The following RGS22 variants were observed in gnomAD, a reference collection of about 807,000 sequenced individuals.
RGS22 encodes regulator of G-protein signaling 22.
A neutral mutation model predicts 172.9 loss-of-function variants in RGS22; 148 were observed. The ratio of observed to expected loss-of-function variants is 0.86; its 90% CI spans 0.75 to 0.98. The LOEUF (loss-of-function observed/expected upper bound fraction) is 0.98. Ranked by LOEUF, RGS22 falls within the 50% of genes least tolerant of loss-of-function variation. The probability of loss-of-function intolerance (pLI) is 0.00; values close to 1 mark genes in which losing one functional copy is unlikely to be tolerated. For missense variants in RGS22, 1,347 were observed against 1,440.8 expected (o/e 0.93, Z 1.05); for synonymous variants, 458 against 480.2 (o/e 0.95, Z 0.60).
intron 23 of RGS22, among the ~76,000 whole-genome samples, chr8:99,973,537 G>C (rs112842961): frequency 0.088 from 13,416 of 152,018 alleles, 744 homozygotes; most frequent in African/African-American, 0.15. Flanking sequence ...AGGGGAGGGA[G>C]AGCATTAGGA....
intron 20 of RGS22, among the ~76,000 whole-genome samples, chr8:99,996,255 T>G (rs1814368500): frequency 6.6e-6 from 1 of 152,122 alleles, no homozygotes; most frequent in East Asian, 1.9e-4. Context: ...GAACTTAAAG[T>G]ATGTATATAA....
At position 99,996,495 on chromosome 8, in the gene RGS22, T is replaced by C; in HGVS notation, c.2985A>G (p.Leu995=). The C allele has an allele frequency of 6.2e-7, 1 of 1,613,622 alleles. No individual in the cohort carries two copies. The highest frequency in any genetic ancestry group is 8.5e-7 in the Non-Finnish European group (1 of 1,179,676). The part of the protein sequence containing the change: ...QMKDIAEELL[L]QKAEKKIGVW... ...CCCCGATTTTCTTTTCAGCCTTCTG[T>C]AGTAAGAGCTCTTCTGCTATGTCTT... The change falls in exon 20 of 28, where the codon CTA becomes CTG. Residue 995 remains leucine, a synonymous_variant. Transcript: ENST00000360863.
intron 12 of RGS22, among the ~76,000 whole-genome samples, chr8:100,040,307 T>C (rs1387020389): frequency 2.0e-5 from 3 of 152,244 alleles, no homozygotes; most frequent in Non-Finnish European, 2.9e-5. Context: ...TATTCTATTA[T>C]AAACCAATCT....
intron 4 of RGS22, among the ~76,000 whole-genome samples, chr8:100,074,475 A>G (rs1438705082): frequency 6.6e-6 from 1 of 152,232 alleles, no homozygotes; most frequent in Non-Finnish European, 1.5e-5. Context: ...TCTGTTCCGT[A>G]GTTTTGCCTT....
rs1212104333 is a variant in RGS22 at position 100,051,829 on chromosome 8, ATAAATG to A, written c.1689+967_1689+972del. ...TATAAATGTTTATATATATTTATAT[ATAAATG>A]TTTATATATTTATATATTTATATAT... On this transcript the variant is annotated intron_variant, in intron 10 of 27. Transcript: ENST00000360863. 4.5e-4 allele frequency among the ~76,000 whole-genome samples: 27 copies of A among 60,288 alleles called. 9 individuals are homozygous for A. The highest frequency in any genetic ancestry group is 6.6e-4 in the Admixed American group (2 of 3,018). The allele number at this position is 60,288 out of a possible 152,430, so 39.6% of individuals were successfully genotyped here.
In RGS22 at chr8:100,042,346, G is replaced by A. The variant is rs552515653; in HGVS notation, c.1824-430C>T. On this transcript the variant is annotated intron_variant, in intron 11 of 27. Coordinates refer to ENST00000360863, the MANE Select transcript of RGS22 (RefSeq NM_015668.5). Reference sequence around the variant, plus strand: ...AAATAGTGAGCAATAAATGAAGGTAGGTATGGAAATCCTTGTTTAAAAGGC... The same window carrying A: ...AAATAGTGAGCAATAAATGAAGGTAAGTATGGAAATCCTTGTTTAAAAGGC... Among the ~76,000 whole-genome samples the A allele has an allele frequency of 1.4e-4, 21 of 152,268 alleles. No individual in the cohort carries two copies. In the East Asian group the frequency reaches 3.5e-3, roughly 25 times the overall value.
chr8:100,041,961 A>G, intron 11 of RGS22, 45 bp from the exon 12 acceptor site: 1 of 1,254,356 alleles, frequency 8.0e-7, no homozygotes, highest in Non-Finnish European at 1.2e-6. Context: ...ATGAGAACTA[A>G]CTGATCAACA....
chr8:100,013,661 C>T (rs1404268505), intron 14 of RGS22, among the ~76,000 whole-genome samples: 1 of 151,930 alleles, frequency 6.6e-6, no homozygotes, highest in Non-Finnish European at 1.5e-5. Flanking sequence ...TTTATTTTAC[C>T]ACTTACCATA....
At chr8:100,041,216 C>T (rs1211817796) in intron 12 of RGS22, among the ~76,000 whole-genome samples, 1 of 152,026 alleles carries the variant, frequency 6.6e-6, no homozygotes, top group African/African-American at 2.4e-5. Flanking sequence ...TGGCTGGGTG[C>T]GGTGGCTCAT....
At chr8:100,052,187 A>T (rs369898523) in intron 10 of RGS22, among the ~76,000 whole-genome samples, 5 of 47,198 alleles carry the variant, frequency 1.1e-4, no homozygotes, top group Non-Finnish European at 1.8e-4. Flanking sequence ...AAATATATAA[A>T]CATATATAAA....
intron 2 of RGS22, among the ~76,000 whole-genome samples, chr8:100,101,290 CTT>C (rs112881114): frequency 1.4e-4 from 20 of 140,900 alleles, no homozygotes; most frequent in East Asian, 2.1e-4. Context: ...TCCTAAATTT[CTT>C]TTTTTTTTTT....
chr8:99,962,582 C>T (rs552822081), intron 26 of RGS22, 105 bp downstream of exon 26: 28 of 1,363,560 alleles, frequency 2.1e-5, no homozygotes, highest in African/African-American at 1.1e-4. Context: ...GTGGAGGGGT[C>T]GGTCCTCACC....
At chr8:99,979,291 A>G (rs1588893668) in intron 22 of RGS22, among the ~76,000 whole-genome samples, 1 of 152,150 alleles carries the variant, frequency 6.6e-6, no homozygotes. Context: ...GAATATATAT[A>G]TTTCCATTTA....
At chr8:100,034,145 T>A (rs1043551805) in intron 14 of RGS22, among the ~76,000 whole-genome samples, 1 of 152,028 alleles carries the variant, frequency 6.6e-6, no homozygotes, top group African/African-American at 2.4e-5. Context: ...AAATAAAGGG[T>A]ATTCAAGTAG....
chr8:100,023,990 A>G (rs1302075805), intron 14 of RGS22: 1 of 152,830 alleles, frequency 6.5e-6, no homozygotes, highest in African/African-American at 2.4e-5. Flanking sequence ...TTTCCAAGAA[A>G]GAGTCTTGCT....
chr8:100,081,873 T>C (rs1366945867), intron 3 of RGS22, among the ~76,000 whole-genome samples: 2 of 151,228 alleles, frequency 1.3e-5, no homozygotes, highest in African/African-American at 2.4e-5. Context: ...TGAGTATCCA[T>C]GGAACAAGAG....
intron 24 of RGS22, among the ~76,000 whole-genome samples, chr8:99,964,420 G>T (rs1014112384): frequency 4.1e-5 from 6 of 145,128 alleles, no homozygotes; most frequent in African/African-American, 1.6e-4. Flanking sequence ...CCTTTAACCT[G>T]CAAAGAGTTA....
At chr8:100,018,605 A>AG (rs1418225517) in intron 14 of RGS22, among the ~76,000 whole-genome samples, 1 of 152,190 alleles carries the variant, frequency 6.6e-6, no homozygotes, top group Non-Finnish European at 1.5e-5. Context: ...TGCATCTTCA[A>AG]GGAAATCTCA....
chr8:99,977,831 T>C, intron 23 of RGS22, 86 bp downstream of exon 23: 2 of 1,159,742 alleles, frequency 1.7e-6, no homozygotes, highest in African/African-American at 3.3e-5. Flanking sequence ...TCTCTCTATA[T>C]ATCCCCAGAC....
Sources: allele counts gnomAD v4.1 joint callset (sites outside exome capture counted in the v4.1 genomes callset), GRCh38; gene constraint gnomAD v4.1.1; transcripts MANE v1.5; gene names NCBI Gene and HGNC (gene_info 2026-07-23, HGNC 2026-07-21).